The following DDX31 variants were observed in gnomAD, a reference collection of about 807,000 sequenced individuals.
DDX31 encodes the protein ATP-dependent DNA helicase DDX31.
Under a neutral mutation model 91.3 loss-of-function variants are expected in DDX31, and 70 were observed. The ratio of observed to expected loss-of-function variants is 0.77; its 90% CI spans 0.63 to 0.94. The LOEUF is 0.94. Among genes scored for constraint, DDX31 ranks in the 40% least tolerant of loss-of-function variants. DDX31 has a pLI of 0.00. For missense variants in DDX31, 902 were observed against 925.0 expected, an observed-to-expected ratio of 0.98 and a Z score of 0.32; for synonymous variants, 362 against 350.6, an observed-to-expected ratio of 1.03 and a Z score of -0.36.
chr9:132,604,583 C>A lies in DDX31; in HGVS notation c.1994+7504G>T, dbSNP rs574741149. Among the ~76,000 whole-genome samples, 4 of 152,240 alleles carry A rather than the reference C, an allele frequency of 2.6e-5. No individual in the cohort carries two copies. The East Asian group carries it at 7.7e-4, about 29-fold the overall frequency. ...TCTGAGGACCACATTCTTTCAAGTT[C>A]CCAGGGACTGTCCCTGGGTCAAGTT... On this transcript the variant is annotated intron_variant, in intron 19 of 19. Transcript: ENST00000372159.
chr9:132,622,311 C>G (rs1488950821), intron 17 of DDX31, among the ~76,000 whole-genome samples: 3 of 152,104 alleles, frequency 2.0e-5, no homozygotes, highest in African/African-American at 7.2e-5. Context: ...AAGTTAGAGC[C>G]ACTCCTCAAG....
At chr9:132,660,335 CAAAA>C (rs773583376) in intron 4 of DDX31, among the ~76,000 whole-genome samples, 2 of 55,306 alleles carry the variant, frequency 3.6e-5, no homozygotes, top group Non-Finnish European at 3.8e-5. Flanking sequence ...AACTCCGTCT[CAAAA>C]AAAAAAAAAA....
At chr9:132,608,746 G>A (rs922819831) in intron 19 of DDX31, among the ~76,000 whole-genome samples, 5 of 152,204 alleles carry the variant, frequency 3.3e-5, no homozygotes, top group Non-Finnish European at 7.3e-5. Flanking sequence ...TTTCTTGACA[G>A]ACGGATTTCA....
At chr9:132,665,692 C>T (rs150198350) in intron 1 of DDX31, among the ~76,000 whole-genome samples, 4 of 152,290 alleles carry the variant, frequency 2.6e-5, no homozygotes, top group African/African-American at 9.6e-5. Context: ...TGGCAGATGA[C>T]CTCTAGGGCC....
chr9:132,668,527 G>A (rs991288516), intron 1 of DDX31, among the ~76,000 whole-genome samples: 3 of 151,492 alleles, frequency 2.0e-5, no homozygotes, highest in South Asian at 4.2e-4. Context: ...TCCAGCCCTC[G>A]AGAGGTCCTG....
At chr9:132,658,371 G>A (rs1834708318) in intron 6 of DDX31, 2 of 703,230 alleles carry the variant, frequency 2.8e-6, no homozygotes, top group Middle Eastern at 2.3e-4. Flanking sequence ...ATAACACAGT[G>A]GGGGAGAGAG....
chr9:132,621,896 G>T (rs1171844949), intron 17 of DDX31, among the ~76,000 whole-genome samples: 1 of 151,620 alleles, frequency 6.6e-6, no homozygotes, highest in Non-Finnish European at 1.5e-5. Context: ...AGCAAGCCAG[G>T]TCTTCACCAA....
chr9:132,605,969 G>A (rs541740339), intron 19 of DDX31, among the ~76,000 whole-genome samples: 44 of 152,278 alleles, frequency 2.9e-4, no homozygotes, highest in Non-Finnish European at 5.1e-4. Context: ...TCAGAGGTTC[G>A]GATGGAGCGC....
At chr9:132,601,022 G>A (rs746963098) in intron 19 of DDX31, among the ~76,000 whole-genome samples, 3 of 152,176 alleles carry the variant, frequency 2.0e-5, no homozygotes, top group Non-Finnish European at 4.4e-5. Context: ...GGTGAACATG[G>A]CAGCAGTGAG....
rs375494425 is a variant in DDX31, at chr9:132,630,438, A to T, written c.1492-35T>A. ...GTAACAAAAATGAAGGCATTCATAG[A>T]TCAAGGGACTGCCATTAATTGGAAG... is the stretch of plus-strand genomic sequence containing the variant. On this transcript the variant is annotated intron_variant, in intron 15 of 19. Coordinates refer to ENST00000372159, the MANE Select transcript of DDX31 (RefSeq NM_022779.9). 2.2e-5 allele frequency: 34 copies of T among 1,556,050 alleles called. No homozygotes were observed. The African/African-American group carries it at 4.5e-4, about 20-fold the overall frequency.
intron 6 of DDX31, among the ~76,000 whole-genome samples, chr9:132,653,143 G>A (rs1339347268): frequency 6.6e-6 from 1 of 151,470 alleles, no homozygotes; most frequent in Non-Finnish European, 1.5e-5. Context: ...GAGAACTAAT[G>A]TAAAATCTAT....
intron 16 of DDX31, among the ~76,000 whole-genome samples, chr9:132,626,762 C>T (rs183491894): frequency 2.7e-4 from 41 of 152,092 alleles, no homozygotes; most frequent in African/African-American, 8.9e-4. Flanking sequence ...GAAAATGCCA[C>T]GTCTCTGACA....
intron 1 of DDX31, among the ~76,000 whole-genome samples, chr9:132,664,169 A>G (rs1052153566): frequency 2.0e-5 from 3 of 152,218 alleles, no homozygotes; most frequent in Non-Finnish European, 4.4e-5. Context: ...ACATCTACCT[A>G]ATAGTCTGAG....
chr9:132,649,121 T>G (rs185338538), intron 9 of DDX31, among the ~76,000 whole-genome samples: 1 of 152,310 alleles, frequency 6.6e-6, no homozygotes, highest in African/African-American at 2.4e-5. Context: ...TTTTTTTCTT[T>G]GTAGAGACGG....
intron 17 of DDX31, among the ~76,000 whole-genome samples, chr9:132,625,016 A>C (rs1365743395): frequency 1.3e-5 from 2 of 152,162 alleles, no homozygotes; most frequent in African/African-American, 4.8e-5. Context: ...ACATACAGCA[A>C]CACTGCACCC....
At chr9:132,644,990 G>C (rs1833731875) in intron 13 of DDX31, among the ~76,000 whole-genome samples, 1 of 152,188 alleles carries the variant, frequency 6.6e-6, no homozygotes, top group Non-Finnish European at 1.5e-5. Context: ...AGAGAGGCTG[G>C]ACTTGTTTAG....
At chr9:132,631,233 A>G (rs1315306972) in intron 15 of DDX31, among the ~76,000 whole-genome samples, 2 of 152,204 alleles carry the variant, frequency 1.3e-5, no homozygotes, top group East Asian at 3.8e-4. Flanking sequence ...AATATAATGT[A>G]TGGGAGGCTA....
intron 3 of DDX31, among the ~76,000 whole-genome samples, chr9:132,661,619 C>A (rs7034656): frequency 6.6e-6 from 1 of 152,018 alleles, no homozygotes; most frequent in Non-Finnish European, 1.5e-5. Flanking sequence ...GATCCACCCC[C>A]CAGGTGAGAA....
intron 14 of DDX31, among the ~76,000 whole-genome samples, chr9:132,634,872 T>C (rs933301126): frequency 8.5e-5 from 13 of 152,140 alleles, no homozygotes; most frequent in African/African-American, 1.7e-4. Flanking sequence ...CGCCTTAAGA[T>C]GCCTCTTACA....
Sources: gnomAD v4.1 joint callset for allele counts (sites outside exome capture counted in the v4.1 genomes callset) on GRCh38, gnomAD v4.1.1 for gene constraint, MANE v1.5 for transcripts, NCBI Gene and HGNC (gene_info 2026-07-23, HGNC 2026-07-21) for gene names.